Variants in TAF4 observed in about 807,000 individuals in gnomAD.
The protein encoded by TAF4 is TATA-box binding protein associated factor 4.
TAF4 carries 9 observed loss-of-function variants against 90.3 expected under a neutral mutation model. That is an observed-to-expected ratio of 0.10 (90% CI 0.06 to 0.17). The LOEUF (loss-of-function observed/expected upper bound fraction) is 0.17. TAF4 is among the 10% of genes least tolerant of loss of function. TAF4 has a pLI of 1.00. For missense variants in TAF4, 1,351 were observed against 1,370.7 expected (o/e 0.99, Z 0.23); for synonymous variants, 818 against 638.9 (o/e 1.28, Z -4.23).
intron 1 of TAF4, among the ~76,000 whole-genome samples, chr20:62,043,495 C>T (rs1382078007): frequency 6.6e-6 from 1 of 152,158 alleles, no homozygotes; most frequent in African/African-American, 2.4e-5. Flanking sequence ...CCTAAGCATA[C>T]CCTAAGCATA....
At chr20:61,978,780 G>A (rs540005588) in intron 14 of TAF4, among the ~76,000 whole-genome samples, 5 of 152,356 alleles carry the variant, frequency 3.3e-5, no homozygotes, top group South Asian at 2.1e-4. Context: ...GGCCCAGCAC[G>A]CTGAGAAACT....
chr20:61,982,759 G>C (rs534532176), intron 14 of TAF4, among the ~76,000 whole-genome samples: 1 of 151,138 alleles, frequency 6.6e-6, no homozygotes. Flanking sequence ...AGTGGGCGGC[G>C]GGACTCTGAG....
At chr20:62,043,483 T>TCCCTAAGCATA (rs1328503431) in intron 1 of TAF4, among the ~76,000 whole-genome samples, 1 of 152,066 alleles carries the variant, frequency 6.6e-6, no homozygotes, top group Non-Finnish European at 1.5e-5. Context: ...AATTCCATAG[T>TCCCTAAGCATA]CCCTAAGCAT....
At chr20:62,016,360 C>G (rs922779623) in intron 1 of TAF4, among the ~76,000 whole-genome samples, 1 of 152,220 alleles carries the variant, frequency 6.6e-6, no homozygotes, top group African/African-American at 2.4e-5. Flanking sequence ...CTGGAAGAGG[C>G]AGACCCAGCG....
intron 2 of TAF4, among the ~76,000 whole-genome samples, chr20:62,014,046 ATGTGTG>A (rs994940148): frequency 4.0e-5 from 3 of 74,084 alleles, no homozygotes; most frequent in Non-Finnish European, 8.1e-5. Flanking sequence ...GTGTGTGTGT[ATGTGTG>A]TGTGTGTGTG....
chr20:62,054,060 A>T (rs1439004163), intron 1 of TAF4, among the ~76,000 whole-genome samples: 1 of 152,190 alleles, frequency 6.6e-6, no homozygotes, highest in East Asian at 1.9e-4. Flanking sequence ...CGCCACACAG[A>T]CCCACCCCAG....
At chr20:61,984,612 T>G (rs73915518) in intron 14 of TAF4, among the ~76,000 whole-genome samples, 111 of 132,166 alleles carry the variant, frequency 8.4e-4, no homozygotes, top group African/African-American at 3.3e-3. Flanking sequence ...CACGATGAAG[T>G]GCCACCCAGC....
At chr20:62,028,666 C>A (rs1472118256) in intron 1 of TAF4, among the ~76,000 whole-genome samples, 2 of 152,150 alleles carry the variant, frequency 1.3e-5, no homozygotes, top group African/African-American at 4.8e-5. Context: ...GGGAGCAGAG[C>A]CCTGCTGCAA....
intron 1 of TAF4, among the ~76,000 whole-genome samples, chr20:62,036,003 A>C (rs1441606667): frequency 6.6e-6 from 1 of 152,158 alleles, no homozygotes; most frequent in South Asian, 2.1e-4. Flanking sequence ...TTAAGGAATT[A>C]AAGGAAATTA....
intron 1 of TAF4, among the ~76,000 whole-genome samples, chr20:62,017,153 A>C (rs2055816583): frequency 6.6e-6 from 1 of 151,954 alleles, no homozygotes; most frequent in Admixed American, 6.6e-5. Context: ...AAAAACAAAA[A>C]AAAAAAATGT....
chr20:62,065,677 G>T lies in TAF4; in HGVS notation c.134C>A (p.Pro45Gln). ...CGCGGCCCGCACCTCGGGCGTGCGCGGCGCGAGGTGGTGGTGGTGGGCCGC... is the reference window on the plus strand; with the variant it reads ...CGCGGCCCGCACCTCGGGCGTGCGCTGCGCGAGGTGGTGGTGGTGGGCCGC... ...ASAAHHHHLAPRTPEVRAAAA... is the reference protein window; with the variant it reads ...ASAAHHHHLAQRTPEVRAAAA... Residue 45 changes from proline (P) to glutamine (Q), a missense_variant, in exon 1 of 15, where the codon CCG becomes CAG. By Grantham distance (76) the Pro-to-Gln change is moderately conservative (BLOSUM62 -1). Transcript: ENST00000252996. 2 of 1,155,630 alleles carry T rather than the reference G, an allele frequency of 1.7e-6. No individual in the cohort carries two copies. Among genetic ancestry groups the T allele is most frequent in the Non-Finnish European group, 2.1e-6 (2 of 931,668 alleles). 71.6% of individuals were successfully genotyped at this position (1,155,630 alleles called of 1,614,324 possible). A position where few individuals can be genotyped will look rare whatever the true frequency, so the allele number is the denominator to read the frequency against.
chr20:62,021,293 A>G (rs1433353200), intron 1 of TAF4, among the ~76,000 whole-genome samples: 1 of 152,244 alleles, frequency 6.6e-6, no homozygotes, highest in East Asian at 1.9e-4. Context: ...AGGATCCAGG[A>G]AACATGGGAC....
chr20:62,059,255 G>A (rs987046534), intron 1 of TAF4, among the ~76,000 whole-genome samples: 3 of 152,206 alleles, frequency 2.0e-5, no homozygotes, highest in Non-Finnish European at 4.4e-5. Flanking sequence ...GCGGACACCA[G>A]GTACTTTCTC....
chr20:62,064,745 G>A lies in TAF4; in HGVS notation c.1066C>T (p.Pro356Ser), dbSNP rs1338289230. The A allele has an allele frequency of 6.0e-6, 7 of 1,169,806 alleles. No individual in the cohort carries two copies. The South Asian group carries it at 1.4e-4, about 24-fold the overall frequency. 72.5% of individuals were successfully genotyped at this position (1,169,806 alleles called of 1,614,324 possible). Residue 356 changes from proline (P) to serine (S), a missense_variant, in exon 1 of 15, where the codon CCG becomes TCG. Coordinates refer to ENST00000252996, the MANE Select transcript of TAF4 (RefSeq NM_003185.4). ...CTGGCCGCCAGGGTCTGCGCCGCCG[G>A]GGGCGCCGCCTGCACCACCCTCTTG... Reference protein sequence around the residue: ...SPKRVVQAAPPAAQTLAASGP... With the variant: ...SPKRVVQAAPSAAQTLAASGP...
chr20:62,012,253 G>T (rs544649445), intron 3 of TAF4: 1 of 152,536 alleles, frequency 6.6e-6, no homozygotes, highest in Non-Finnish European at 1.5e-5. Context: ...GGCAGGCACC[G>T]TGCAGGTGGC....
intron 1 of TAF4, among the ~76,000 whole-genome samples, chr20:62,036,718 G>A: frequency 6.6e-6 from 1 of 152,206 alleles, no homozygotes; most frequent in Non-Finnish European, 1.5e-5. Flanking sequence ...AATACAGGAA[G>A]AAAAGCATTT....
intron 1 of TAF4, among the ~76,000 whole-genome samples, chr20:62,055,632 A>C (rs1261198939): frequency 1.3e-5 from 2 of 152,178 alleles, no homozygotes; most frequent in African/African-American, 4.8e-5. Context: ...CAGCCCTACA[A>C]TCTACACGGG....
chr20:62,018,513 C>A (rs115361772), intron 1 of TAF4, among the ~76,000 whole-genome samples: 2,200 of 152,382 alleles, frequency 0.014, 57 homozygotes, highest in African/African-American at 0.05. Context: ...CCCCTCCTGC[C>A]TCTACTCCTC....
chr20:62,034,531 T>C (rs1054732218), intron 1 of TAF4, among the ~76,000 whole-genome samples: 2 of 151,948 alleles, frequency 1.3e-5, no homozygotes, highest in African/African-American at 4.8e-5. Flanking sequence ...GTTCTCACTA[T>C]GTTGCTCAGG....
Sources: gnomAD v4.1 joint callset for allele counts (sites outside exome capture counted in the v4.1 genomes callset) on GRCh38, gnomAD v4.1.1 for gene constraint, MANE v1.5 for transcripts, NCBI Gene and HGNC (gene_info 2026-07-23, HGNC 2026-07-21) for gene names.